Variants in BIRC6 observed in about 807,000 individuals in gnomAD.
The protein encoded by BIRC6 is dual E2 ubiquitin-conjugating enzyme/E3 ubiquitin-protein ligase BIRC6.
BIRC6 carries 98 observed loss-of-function variants against 503.3 expected under a neutral mutation model. The observed-to-expected ratio is 0.19, with a 90% CI of 0.17 to 0.23. BIRC6 has a LOEUF of 0.23. BIRC6 is among the 10% of genes least tolerant of loss of function. The probability of loss-of-function intolerance (pLI) is 1.00; values close to 1 mark genes in which losing one functional copy is unlikely to be tolerated. For missense variants in BIRC6, 5,360 were observed against 5,806.0 expected (o/e 0.92, Z 2.50); for synonymous variants, 2,240 against 2,078.7 (o/e 1.08, Z -2.11).
intron 9 of BIRC6, 137 bp from the exon 10 acceptor site, chr2:32,414,632 A>C (rs907909351): frequency 1.6e-6 from 1 of 641,934 alleles, no homozygotes; most frequent in Non-Finnish European, 2.3e-6. Flanking sequence ...GCACCACTGC[A>C]CTCTAGCCTG....
intron 10 of BIRC6, among the ~76,000 whole-genome samples, chr2:32,418,369 C>G (rs176410): frequency 0.64 from 96,998 of 152,000 alleles, 31,522 homozygotes; most frequent in African/African-American, 0.76. Context: ...CCGTTTTGTA[C>G]ATAATGATAC....
intron 1 of BIRC6, among the ~76,000 whole-genome samples, chr2:32,375,518 A>T (rs1319980795): frequency 6.6e-6 from 1 of 151,916 alleles, no homozygotes; most frequent in African/African-American, 2.4e-5. Flanking sequence ...AAAACTCCAG[A>T]CCTTGTGATC....
At chr2:32,360,925 T>C (rs140183419) in intron 1 of BIRC6, among the ~76,000 whole-genome samples, 2 of 151,972 alleles carry the variant, frequency 1.3e-5, no homozygotes, top group Non-Finnish European at 2.9e-5. Flanking sequence ...TATTTATTTA[T>C]TATTATTGTT....
chr2:32,462,591 AC>A (rs2048113145), intron 23 of BIRC6, among the ~76,000 whole-genome samples: 1 of 152,160 alleles, frequency 6.6e-6, no homozygotes, highest in Non-Finnish European at 1.5e-5. Context: ...TTTATTTCTT[AC>A]CCTCAAATTG....
intron 23 of BIRC6, among the ~76,000 whole-genome samples, chr2:32,454,337 A>G (rs767571655): frequency 1.3e-5 from 2 of 152,214 alleles, no homozygotes; most frequent in African/African-American, 2.4e-5. Flanking sequence ...GAACTAGTTT[A>G]AAACAACCTT....
chr2:32,529,378 T>A (rs2056549165), intron 59 of BIRC6: 2 of 295,230 alleles, frequency 6.8e-6, no homozygotes, highest in South Asian at 6.6e-5. Flanking sequence ...TAGAAAAAAA[T>A]GTCCCACATC....
At chr2:32,471,281 A>T (rs1001283918) in intron 32 of BIRC6, 157 bp downstream of exon 32, 1 of 526,908 alleles carries the variant, frequency 1.9e-6, no homozygotes, top group Middle Eastern at 9.9e-4. Context: ...CTTCACTACA[A>T]TTCTGTTTAA....
At chr2:32,613,868 C>T (rs1463583502) in intron 73 of BIRC6, among the ~76,000 whole-genome samples, 1 of 152,088 alleles carries the variant, frequency 6.6e-6, no homozygotes, top group Non-Finnish European at 1.5e-5. Context: ...TGAAGGCTTA[C>T]TTTTTGGCCT....
At chr2:32,432,600 TA>T (rs1037428974) in intron 12 of BIRC6, among the ~76,000 whole-genome samples, 2 of 150,918 alleles carry the variant, frequency 1.3e-5, no homozygotes, top group African/African-American at 4.9e-5. Flanking sequence ...CTATAAATAA[TA>T]AAAAAAAATT....
intron 66 of BIRC6, among the ~76,000 whole-genome samples, chr2:32,585,807 A>G (rs1316176102): frequency 6.6e-6 from 1 of 152,234 alleles, no homozygotes; most frequent in African/African-American, 2.4e-5. Context: ...GTATAGTTAT[A>G]TAAGAATATA....
intron 49 of BIRC6, among the ~76,000 whole-genome samples, chr2:32,503,487 G>A (rs2053434265): frequency 1.3e-5 from 2 of 152,140 alleles, no homozygotes; most frequent in Admixed American, 6.5e-5. Context: ...GCAATGGCGT[G>A]ATCTCAGCTC....
intron 67 of BIRC6, 78 bp from the exon 68 acceptor site, chr2:32,594,956 T>C: frequency 1.1e-6 from 1 of 910,910 alleles, no homozygotes; most frequent in Non-Finnish European, 1.6e-6. Context: ...ACTCTAGAGG[T>C]GAATTCTTTT....
At chr2:32,481,298 G>A (rs370775935) in intron 37 of BIRC6, 22 bp from the exon 38 acceptor site, 6 of 1,535,222 alleles carry the variant, frequency 3.9e-6, no homozygotes, top group Non-Finnish European at 5.3e-6. Context: ...CCACCAATAA[G>A]ATCACTTTTA....
At chr2:32,368,922 G>A (rs563289963) in intron 1 of BIRC6, among the ~76,000 whole-genome samples, 5 of 152,206 alleles carry the variant, frequency 3.3e-5, no homozygotes, top group Non-Finnish European at 7.3e-5. Flanking sequence ...AAAGTGCTGG[G>A]ATTACAGGTG....
intron 55 of BIRC6, among the ~76,000 whole-genome samples, chr2:32,516,764 A>G (rs1347049209): frequency 6.6e-6 from 1 of 151,954 alleles, no homozygotes; most frequent in Non-Finnish European, 1.5e-5. Context: ...TTTTTGCCAA[A>G]TTTTGCTTTT....
rs1365518241 is a variant in BIRC6, at chr2:32,618,698, C to CT, written c.*800dup. On this transcript the variant is annotated 3_prime_UTR_variant, in exon 74 of 74. Transcript: ENST00000421745. ...CTGATTTTTTTTTTCTAAAGGGCTCCTTTTTTCCTGGACTATGTGGTTTTA... is the reference window on the plus strand; with the variant it reads ...CTGATTTTTTTTTTCTAAAGGGCTCCTTTTTTTCCTGGACTATGTGGTTTTA... The CT allele has an allele frequency of 6.6e-6, 1 of 152,124 alleles. No homozygotes were observed. The highest frequency in any genetic ancestry group is 2.4e-5 in the African/African-American group (1 of 41,264). The allele number at this position is 152,124 out of a possible 1,614,324, so 9.4% of individuals were successfully genotyped here.
chr2:32,609,392 G>T (rs543907456), intron 72 of BIRC6, among the ~76,000 whole-genome samples: 3 of 151,522 alleles, frequency 2.0e-5, no homozygotes, highest in Non-Finnish European at 4.4e-5. Context: ...ATCAAATGAC[G>T]TTAGCATCAC....
chr2:32,540,966 C>T (rs1572903029), intron 61 of BIRC6, among the ~76,000 whole-genome samples: 1 of 151,964 alleles, frequency 6.6e-6, no homozygotes, highest in Non-Finnish European at 1.5e-5. Context: ...TTTTAATTTG[C>T]TCTTCTGATT....
At chr2:32,479,818 C>T (rs1180729696) in intron 37 of BIRC6, among the ~76,000 whole-genome samples, 5 of 151,966 alleles carry the variant, frequency 3.3e-5, no homozygotes, top group African/African-American at 1.2e-4. Context: ...TCATAATATC[C>T]TAATTATGTT....
Sources: allele counts gnomAD v4.1 joint callset (sites outside exome capture counted in the v4.1 genomes callset), GRCh38; gene constraint gnomAD v4.1.1; transcripts MANE v1.5; gene names NCBI Gene and HGNC (gene_info 2026-07-23, HGNC 2026-07-21).